FLACC1: variants seen among roughly 807,000 people sequenced by gnomAD.
FLACC1 encodes flagellum associated containing coiled-coil domains 1, also known as flagellum-associated coiled-coil domain-containing protein 1.
A neutral mutation model predicts 62.8 loss-of-function variants in FLACC1; 66 were observed. The observed-to-expected ratio is 1.05, with a 90% CI of 0.86 to 1.29. The LOEUF (loss-of-function observed/expected upper bound fraction) is 1.29, where lower values mean the gene tolerates loss of function less well. Among genes scored for constraint, FLACC1 ranks in the 50% most tolerant of loss-of-function variants. The probability of loss-of-function intolerance (pLI) is 0.00; values close to 1 mark genes in which losing one functional copy is unlikely to be tolerated. For missense variants in FLACC1, 452 were observed against 489.1 expected (o/e 0.92, Z 0.71); for synonymous variants, 156 against 161.0 (o/e 0.97, Z 0.24).
At chr2:201,311,700 C>CAAAAAA (rs34119306) in intron 9 of FLACC1, among the ~76,000 whole-genome samples, 1 of 113,378 alleles carries the variant, frequency 8.8e-6, no homozygotes. Context: ...GACACTGACT[C>CAAAAAA]AAAAAAAAAA....
intron 9 of FLACC1, among the ~76,000 whole-genome samples, chr2:201,327,284 C>T (rs916508572): frequency 2.0e-5 from 3 of 151,768 alleles, no homozygotes; most frequent in African/African-American, 7.3e-5. Context: ...ACTAAGACCC[C>T]AAAAGCAAAT....
chr2:201,345,348 G>A (rs1395802117), intron 5 of FLACC1, among the ~76,000 whole-genome samples: 1 of 152,122 alleles, frequency 6.6e-6, no homozygotes, highest in Non-Finnish European at 1.5e-5. Flanking sequence ...TTCTACTTGA[G>A]GGGCCTTCAG....
the FLACC1 span, among the ~76,000 whole-genome samples, chr2:201,363,395 T>A: frequency 2.6e-5 from 4 of 152,088 alleles, no homozygotes; most frequent in East Asian, 7.8e-4. Context: ...TGTGCAGAGA[T>A]CTGGGTGTGG....
At position 201,307,528 on chromosome 2, in the gene FLACC1, T is replaced by C. The variant is rs1461304016; in HGVS notation, c.870A>G (p.Gln290=). The C allele has an allele frequency of 1.9e-6, 3 of 1,613,786 alleles. No individual in the cohort carries two copies. The Admixed American group carries it at 5.0e-5, about 27-fold the overall frequency. ...SCSAVFENFI[Q]EKEELLKQHQ... ...CTTTGGGCTGAGTTACCTCCTTCTC[T>C]TGAATGAAGTTCTCAAAGACAGCAC... Residue 290 remains glutamine, a synonymous_variant, in exon 11 of 15, where the codon CAA becomes CAG. Transcript: ENST00000392257.
rs1254638160 is a variant in FLACC1 at position 201,326,030 on chromosome 2, TG to T, written c.675+4439del. 6.6e-6 allele frequency among the ~76,000 whole-genome samples: 1 copy of T among 152,160 alleles called. No individual in the cohort carries two copies. The highest frequency in any genetic ancestry group is 1.5e-5 in the Non-Finnish European group (1 of 68,016). On this transcript the variant is annotated intron_variant, in intron 9 of 14. Transcript: ENST00000392257. This position sits in a 1 kb window ranked among gnomAD's most constrained non-coding sequence, Gnocchi z 4.1. ...GGTTTAACACACACAAGTCAATAAA[TG>T]TGATACATCACATAAACAGAATTGA...
At chr2:201,340,968 A>G (rs1453550871) in intron 7 of FLACC1, among the ~76,000 whole-genome samples, 2 of 152,114 alleles carry the variant, frequency 1.3e-5, no homozygotes, top group Admixed American at 1.3e-4. Context: ...AGAAATTACA[A>G]TTGTATTGGC....
Position 201,350,681 on chromosome 2 carries a change from A to AAAAAC in FLACC1, c.185+25_185+29dup, listed in dbSNP as rs755018300. 60 of 1,600,240 alleles carry AAAAAC rather than the reference A, an allele frequency of 3.7e-5. No homozygotes were observed. The East Asian group carries it at 4.3e-4, about 11-fold the overall frequency. ...GGGCAACAGAGTGAGACTCCATCTC[A>AAAAAC]AAAACAAAACAAAACAAAACAATAC... On this transcript the variant is annotated intron_variant, in intron 3 of 14. Coordinates refer to ENST00000392257, the MANE Select transcript of FLACC1 (RefSeq NM_001127391.3).
intron 9 of FLACC1, among the ~76,000 whole-genome samples, chr2:201,318,409 A>G (rs1950341711): frequency 6.6e-6 from 1 of 152,150 alleles, no homozygotes; most frequent in South Asian, 2.1e-4. Flanking sequence ...AGAAAAAACA[A>G]ATAACCCATC....
At chr2:201,314,318 G>T (rs750736966) in intron 9 of FLACC1, among the ~76,000 whole-genome samples, 8 of 151,892 alleles carry the variant, frequency 5.3e-5, no homozygotes, top group Non-Finnish European at 8.8e-5. Context: ...AATGAGGGGA[G>T]AAATCTTCAA....
Position 201,350,717 on chromosome 2 carries a change from G to T in FLACC1, c.179C>A (p.Ser60Tyr). The T allele has an allele frequency of 6.5e-7, 1 of 1,545,234 alleles. No homozygotes were observed. Among genetic ancestry groups the T allele is most frequent in the Non-Finnish European group, 8.7e-7 (1 of 1,144,926 alleles). Residue 60 changes from serine (S) to tyrosine (Y), a missense_variant, in exon 3 of 15, where the codon TCC (serine) becomes TAC (tyrosine). This residue lies in a region of FLACC1 where 147 missense variants were observed against 152.7 expected (regional missense o/e 0.96). Transcript: ENST00000392257. ...AAAACAAAACAATACTTACTTTGGG[G>T]AAACAACAGGTTTTGTTGGTTGGAG... ...NYLQPTKPVV[S>Y]PKMKIHSARQ...
intron 14 of FLACC1, among the ~76,000 whole-genome samples, chr2:201,289,059 C>T (rs1218865732): frequency 6.6e-6 from 1 of 152,210 alleles, no homozygotes; most frequent in Non-Finnish European, 1.5e-5. Context: ...CTTCAGGTAA[C>T]AGTACACCTT....
At chr2:201,296,752 T>C (rs1171648791) in intron 12 of FLACC1, among the ~76,000 whole-genome samples, 3 of 151,906 alleles carry the variant, frequency 2.0e-5, no homozygotes, top group South Asian at 2.1e-4. Flanking sequence ...AGGGCCATGG[T>C]GAGGAAATAC....
At chr2:201,325,000 C>A (rs748708620) in intron 9 of FLACC1, among the ~76,000 whole-genome samples, 3 of 151,952 alleles carry the variant, frequency 2.0e-5, no homozygotes, top group South Asian at 2.1e-4. Flanking sequence ...TGGTAACAGG[C>A]GCCTGTAGTC....
intron 9 of FLACC1, among the ~76,000 whole-genome samples, chr2:201,315,018 C>A (rs1365789948): frequency 6.6e-6 from 1 of 152,086 alleles, no homozygotes; most frequent in African/African-American, 2.4e-5. Context: ...GGCAGCACTA[C>A]AAAAACTGCT....
At chr2:201,350,656 G>A (rs1951007527) in intron 3 of FLACC1, 55 bp downstream of exon 3, 1 of 1,245,476 alleles carries the variant, frequency 8.0e-7, no homozygotes, top group African/African-American at 1.5e-5. Context: ...ACTCTAGCCT[G>A]GGCAACAGAG....
At chr2:201,357,350 G>C (rs1474634439), upstream of FLACC1, 1 of 152,222 alleles carries the variant, frequency 6.6e-6, no homozygotes, top group Non-Finnish European at 1.5e-5. Flanking sequence ...GAGTTGTGAG[G>C]TTTGCCCTTG....
chr2:201,348,341 C>T, intron 3 of FLACC1, 39 bp from the exon 4 acceptor site: 1 of 1,603,476 alleles, frequency 6.2e-7, no homozygotes, highest in Non-Finnish European at 8.5e-7. Flanking sequence ...AACCAGACAG[C>T]AAAGAGAAGT....
chr2:201,294,048 A>C lies in FLACC1; in HGVS notation c.943-4263T>G, dbSNP rs191495074. On this transcript the variant is annotated intron_variant, in intron 12 of 14. Coordinates refer to ENST00000392257, the MANE Select transcript of FLACC1 (RefSeq NM_001127391.3). ...ATAATTAATAGCTTACTAACCAAAA[A>C]AAGTCCAGGACCAGATGGATTCACA... Among the ~76,000 whole-genome samples, 333 of 152,326 alleles carry C rather than the reference A, an allele frequency of 2.2e-3. 1 individual carries two copies. Among genetic ancestry groups the C allele is most frequent in the African/African-American group, 7.5e-3 (312 of 41,564 alleles).
chr2:201,324,236 A>G lies in FLACC1; in HGVS notation c.675+6234T>C, dbSNP rs569463584. Among the ~76,000 whole-genome samples the G allele has an allele frequency of 2.0e-5, 3 of 152,318 alleles. No homozygotes were observed. The South Asian group carries it at 6.2e-4, about 32-fold the overall frequency. On this transcript the variant is annotated intron_variant, in intron 9 of 14. Coordinates refer to ENST00000392257, the MANE Select transcript of FLACC1 (RefSeq NM_001127391.3). ...CTTATATCAGACGAAACAAACTTCA[A>G]AGCAACAACAGTAAGACAAGACAAA...
Sources: allele counts gnomAD v4.1 joint callset (sites outside exome capture counted in the v4.1 genomes callset), GRCh38; gene constraint gnomAD v4.1.1; regional missense constraint gnomAD v4.1.1; non-coding constraint Gnocchi (gnomAD v3.1); transcripts MANE v1.5; gene names NCBI Gene and HGNC (gene_info 2026-07-23, HGNC 2026-07-21).